Variants in TXNDC8 observed in about 807,000 individuals in gnomAD.
TXNDC8 encodes thioredoxin domain containing 8, also known as thioredoxin domain-containing protein 8.
TXNDC8 carries 15 observed loss-of-function variants against 12.9 expected under a neutral mutation model. The ratio of observed to expected loss-of-function variants is 1.16; its 90% CI spans 0.78 to 1.79. The LOEUF (loss-of-function observed/expected upper bound fraction) is 1.79. Ranked by LOEUF, TXNDC8 falls within the 40% of genes most tolerant of loss-of-function variation. TXNDC8 has a pLI of 0.00. For synonymous variants in TXNDC8, 40 were observed against 35.4 expected, an observed-to-expected ratio of 1.13 and a Z score of -0.46; for missense variants, 128 against 113.2, an observed-to-expected ratio of 1.13 and a Z score of -0.59.
chr9:110,303,730 A>G, intron 4 of TXNDC8, 147 bp from the exon 6 acceptor site: 3 of 1,539,642 alleles, frequency 1.9e-6, no homozygotes, highest in African/African-American at 1.4e-5. Flanking sequence ...AATATACATT[A>G]AACACATTAA....
chr9:110,332,141 A>C (rs1020969934), intron 2 of TXNDC8, among the ~76,000 whole-genome samples: 1 of 152,238 alleles, frequency 6.6e-6, no homozygotes, highest in African/African-American at 2.4e-5. Flanking sequence ...GGCAAAGTCA[A>C]GGAGATCCTC....
At chr9:110,317,276 A>G (rs751435028) in intron 3 of TXNDC8, among the ~76,000 whole-genome samples, 2 of 152,206 alleles carry the variant, frequency 1.3e-5, no homozygotes, top group East Asian at 1.9e-4. Flanking sequence ...TCAATGGCTC[A>G]TATACTTGTT....
downstream of TXNDC8, among the ~76,000 whole-genome samples, chr9:110,302,865 A>G (rs1468048877): frequency 2.0e-5 from 3 of 152,114 alleles, no homozygotes; most frequent in South Asian, 4.1e-4. Context: ...GGAGTTTGAG[A>G]CCAGCCTGGA....
intron 2 of TXNDC8, among the ~76,000 whole-genome samples, chr9:110,326,946 A>ACACACACT (rs1290205401): frequency 6.8e-6 from 1 of 147,776 alleles, no homozygotes; most frequent in Non-Finnish European, 1.5e-5. Context: ...TCATGCACAC[A>ACACACACT]CACACACACA....
At chr9:110,323,658 C>A in intron 3 of TXNDC8, 1 of 452,570 alleles carries the variant, frequency 2.2e-6, no homozygotes. Flanking sequence ...AGAAACCAAC[C>A]CAGAGTTTAC....
At chr9:110,335,360 C>A (rs763393005) in intron 1 of TXNDC8, among the ~76,000 whole-genome samples, 2 of 152,152 alleles carry the variant, frequency 1.3e-5, no homozygotes, top group Non-Finnish European at 2.9e-5. Context: ...CCTCAGTCTC[C>A]CAAAGTGCTG....
chr9:110,303,386 A>G (rs1838312311), downstream of TXNDC8: 3 of 998,424 alleles, frequency 3.0e-6, no homozygotes, highest in African/African-American at 1.6e-5. Context: ...GTGAGATTGC[A>G]TTATGGTATT....
chr9:110,317,970 C>A (rs1016421690), intron 3 of TXNDC8, among the ~76,000 whole-genome samples: 5 of 152,220 alleles, frequency 3.3e-5, no homozygotes, highest in African/African-American at 9.6e-5. Flanking sequence ...GCTGGCGTGT[C>A]AAGTTGCTTT....
chr9:110,324,171 A>G (rs1400426989), intron 3 of TXNDC8, among the ~76,000 whole-genome samples: 1 of 152,190 alleles, frequency 6.6e-6, no homozygotes, highest in Non-Finnish European at 1.5e-5. Context: ...AGGGAATGCA[A>G]TCAAGCTGCA....
At chr9:110,326,108 G>T in intron 3 of TXNDC8, 67 bp downstream of exon 4, 1 of 1,541,742 alleles carries the variant, frequency 6.5e-7, no homozygotes, top group Non-Finnish European at 8.9e-7. Flanking sequence ...GGACAGCCAG[G>T]CTTTTTTGAG....
In TXNDC8 at chr9:110,316,207, T is replaced by G. The variant is rs966688136; in HGVS notation, c.195+9968A>C. Among the ~76,000 whole-genome samples the G allele has an allele frequency of 1.1e-4, 16 of 152,152 alleles. No individual in the cohort carries two copies. In the East Asian group the frequency reaches 3.1e-3, roughly 29 times the overall value. Reference sequence around the variant, plus strand: ...CTGAGATTACAGGTGTGAGCCACTGTGCCTGGCCTGTACAATATAATTTTA... The same window carrying G: ...CTGAGATTACAGGTGTGAGCCACTGGGCCTGGCCTGTACAATATAATTTTA... On this transcript the variant is annotated intron_variant, in intron 3 of 4. Transcript: ENST00000423740.
chr9:110,322,227 A>G (rs972435902), intron 3 of TXNDC8, among the ~76,000 whole-genome samples: 1 of 152,108 alleles, frequency 6.6e-6, no homozygotes, highest in African/African-American at 2.4e-5. Context: ...TAAGTTACTA[A>G]TATTCAATGA....
intron 3 of TXNDC8, among the ~76,000 whole-genome samples, chr9:110,319,642 G>A (rs1028016678): frequency 4.6e-5 from 7 of 152,178 alleles, no homozygotes; most frequent in Admixed American, 1.3e-4. Context: ...TTTGGGAGAT[G>A]GATCAAGCAC....
At chr9:110,325,226 G>A (rs2118829325) in intron 3 of TXNDC8, among the ~76,000 whole-genome samples, 1 of 152,072 alleles carries the variant, frequency 6.6e-6, no homozygotes, top group South Asian at 2.1e-4. Flanking sequence ...AACACAGTAA[G>A]CACTTAATGC....
intron 1 of TXNDC8, among the ~76,000 whole-genome samples, chr9:110,335,065 C>T (rs1446725641): frequency 6.6e-6 from 1 of 152,098 alleles, no homozygotes; most frequent in Non-Finnish European, 1.5e-5. Flanking sequence ...TGCTTTATGA[C>T]AAGTGACTGG....
intron 3 of TXNDC8, among the ~76,000 whole-genome samples, chr9:110,306,921 C>T (rs60157736): frequency 3.0e-4 from 45 of 151,820 alleles, no homozygotes; most frequent in African/African-American, 8.7e-4. Context: ...AGACTATACC[C>T]GAAATTTTTT....
intron 3 of TXNDC8, among the ~76,000 whole-genome samples, chr9:110,315,700 A>G (rs1838860860): frequency 6.8e-6 from 1 of 146,918 alleles, no homozygotes; most frequent in Non-Finnish European, 1.5e-5. Flanking sequence ...TTTTGTAGAG[A>G]TAGGGTTTCA....
downstream of TXNDC8, among the ~76,000 whole-genome samples, chr9:110,303,118 C>T (rs531636267): frequency 6.6e-4 from 101 of 152,036 alleles, no homozygotes; most frequent in Non-Finnish European, 9.6e-4. Flanking sequence ...ATGGCTTAAT[C>T]GGGGGAGGCT....
chr9:110,325,451 AAT>A (rs141049832), intron 3 of TXNDC8, among the ~76,000 whole-genome samples: 19,627 of 152,002 alleles, frequency 0.13, 1,490 homozygotes, highest in African/African-American at 0.21. Flanking sequence ...ACCACTAGGC[AAT>A]ATTGCTTTGT....
Sources: allele counts gnomAD v4.1 joint callset (sites outside exome capture counted in the v4.1 genomes callset), GRCh38; gene constraint gnomAD v4.1.1; transcripts MANE v1.5; gene names NCBI Gene and HGNC (gene_info 2026-07-23, HGNC 2026-07-21).